COL5A2: variants seen among roughly 807,000 people sequenced by gnomAD.
COL5A2 encodes collagen type V alpha 2 chain.
COL5A2 carries 23 observed loss-of-function variants against 208.2 expected under a neutral mutation model. The observed-to-expected ratio is 0.11, with a 90% CI of 0.08 to 0.16. COL5A2 has a LOEUF of 0.16. Among genes scored for constraint, COL5A2 ranks in the 10% least tolerant of loss-of-function variants. The pLI is 1.00. For synonymous variants in COL5A2, 625 were observed against 628.5 expected (o/e 0.99, Z 0.08); for missense variants, 1,590 against 1,956.4 (o/e 0.81, Z 3.53).
the COL5A2 span, among the ~76,000 whole-genome samples, chr2:189,419,834 G>GAGGAA: frequency 9.6e-4 from 144 of 149,674 alleles, 1 homozygote; most frequent in African/African-American, 2.9e-3. Context: ...GAGGAGAGGA[G>GAGGAA]AGGAAAGGAA....
chr2:189,332,083 CA>C, the COL5A2 span, among the ~76,000 whole-genome samples: 1 of 151,510 alleles, frequency 6.6e-6, no homozygotes, highest in African/African-American at 2.4e-5. Context: ...GTAGATTTAT[CA>C]AGAAGATGCA....
intron 1 of COL5A2, among the ~76,000 whole-genome samples, chr2:189,131,616 T>C (rs928398463): frequency 1.9e-4 from 29 of 152,282 alleles, no homozygotes; most frequent in African/African-American, 6.3e-4. Context: ...GGCCTGGAGC[T>C]CAATAACAGC....
intron 53 of COL5A2, among the ~76,000 whole-genome samples, chr2:189,034,677 G>A (rs1685405223): frequency 1.3e-5 from 2 of 152,090 alleles, no homozygotes; most frequent in African/African-American, 4.8e-5. Context: ...AAGAAAGTCT[G>A]CAGAAGAACT....
At chr2:189,341,882 T>C in the COL5A2 span, among the ~76,000 whole-genome samples, 2 of 152,122 alleles carry the variant, frequency 1.3e-5, no homozygotes, top group Non-Finnish European at 2.9e-5. Context: ...TAATATAATT[T>C]CCTTAAGAAC....
chr2:189,238,003 T>C, the COL5A2 span, among the ~76,000 whole-genome samples: 1 of 151,904 alleles, frequency 6.6e-6, no homozygotes, highest in Non-Finnish European at 1.5e-5. Context: ...ATTTCCATCA[T>C]AATTGAAATT....
the COL5A2 span, among the ~76,000 whole-genome samples, chr2:189,265,503 C>T: frequency 6.6e-6 from 1 of 152,094 alleles, no homozygotes; most frequent in African/African-American, 2.4e-5. Flanking sequence ...TATAAAGACA[C>T]CAGTCAGTGG....
the COL5A2 span, among the ~76,000 whole-genome samples, chr2:189,264,283 A>T: frequency 6.6e-6 from 1 of 152,128 alleles, no homozygotes; most frequent in Non-Finnish European, 1.5e-5. Context: ...AACATTTAGT[A>T]TGGATATTGA....
chr2:189,432,235 T>C, the COL5A2 span, among the ~76,000 whole-genome samples: 1 of 152,128 alleles, frequency 6.6e-6, no homozygotes, highest in Non-Finnish European at 1.5e-5. Flanking sequence ...ACATGCCAAA[T>C]TGTAAAGACC....
the COL5A2 span, chr2:189,311,459 G>A: frequency 3.6e-6 from 4 of 1,096,158 alleles, no homozygotes; most frequent in Non-Finnish European, 5.4e-6. Context: ...GTTCAGCAGG[G>A]CCTCCTATTC....
the COL5A2 span, among the ~76,000 whole-genome samples, chr2:189,382,856 G>A: frequency 6.6e-6 from 1 of 152,170 alleles, no homozygotes; most frequent in African/African-American, 2.4e-5. Flanking sequence ...GGTGGGGAGA[G>A]TGTATTGTCA....
intron 1 of COL5A2, among the ~76,000 whole-genome samples, chr2:189,167,732 C>T (rs555126563): frequency 2.7e-5 from 4 of 148,628 alleles, no homozygotes; most frequent in African/African-American, 2.5e-5. Context: ...CAATGCCTCT[C>T]ATTCCAAATG....
chr2:189,229,528 T>C (rs533328676), upstream of COL5A2, among the ~76,000 whole-genome samples: 2 of 151,470 alleles, frequency 1.3e-5, no homozygotes, highest in Non-Finnish European at 3.0e-5. Context: ...TGTGTTTCTA[T>C]GCACTAACAG....
chr2:189,090,466 A>G (rs1328341939), intron 7 of COL5A2, among the ~76,000 whole-genome samples: 1 of 152,246 alleles, frequency 6.6e-6, no homozygotes, highest in African/African-American at 2.4e-5. Flanking sequence ...TCAAGTTAGC[A>G]TCATTGATGA....
In COL5A2 at chr2:189,198,179, C is replaced by T. The variant is rs1040912213; in HGVS notation, c.-42+26969G>A. ...TGAAGAAGAGTATGTTAGTCTTTATCCTGGCCATTTTCCACATGGATGCTG... is the reference window on the plus strand; with the variant it reads ...TGAAGAAGAGTATGTTAGTCTTTATTCTGGCCATTTTCCACATGGATGCTG... On this transcript the variant is annotated intron_variant, in intron 1 of 10. Transcript: ENST00000649966. Among the ~76,000 whole-genome samples the T allele has an allele frequency of 2.6e-5, 4 of 152,020 alleles. No individual in the cohort carries two copies. In the East Asian group the frequency reaches 7.7e-4, roughly 29 times the overall value.
At position 189,126,737 on chromosome 2, in the gene COL5A2, A is replaced by G. The variant is rs540097737; in HGVS notation, c.98-16288T>C. On this transcript the variant is annotated intron_variant, in intron 1 of 53. Coordinates refer to ENST00000374866, the MANE Select transcript of COL5A2 (RefSeq NM_000393.5). ...TGAAATATATGCAGTCCAGTGTGCC[A>G]TGTAGGGGATTTGAAGTAGTCTTGG... Among the ~76,000 whole-genome samples the G allele has an allele frequency of 2.0e-5, 3 of 152,256 alleles. No individual in the cohort carries two copies. The East Asian group carries it at 5.8e-4, about 29-fold the overall frequency.
chr2:189,318,456 T>A, the COL5A2 span, among the ~76,000 whole-genome samples: 4 of 152,186 alleles, frequency 2.6e-5, no homozygotes, highest in Non-Finnish European at 4.4e-5. Flanking sequence ...TTCTAGTTAT[T>A]TGGTTCAAAA....
intron 1 of COL5A2, among the ~76,000 whole-genome samples, chr2:189,219,369 G>A (rs766903579): frequency 1.3e-5 from 2 of 152,168 alleles, no homozygotes; most frequent in African/African-American, 2.4e-5. Context: ...AGGTTTTTAC[G>A]TTCAAACTTA....
intron 1 of COL5A2, among the ~76,000 whole-genome samples, chr2:189,193,093 T>C (rs1320854718): frequency 1.3e-5 from 2 of 152,252 alleles, no homozygotes; most frequent in Non-Finnish European, 2.9e-5. Flanking sequence ...CCCTTGATCT[T>C]GGATTTCTCA....
At chr2:189,064,124 A>G (rs1686093887) in intron 25 of COL5A2, 91 bp from the exon 26 acceptor site, 1 of 978,156 alleles carries the variant, frequency 1.0e-6, no homozygotes, top group Admixed American at 1.9e-5. Flanking sequence ...ATTTTTGTCA[A>G]CTGAATAGAA....
Sources: allele counts gnomAD v4.1 joint callset (sites outside exome capture counted in the v4.1 genomes callset), GRCh38; gene constraint gnomAD v4.1.1; transcripts MANE v1.5; gene names NCBI Gene and HGNC (gene_info 2026-07-23, HGNC 2026-07-21).